NAA50: variants seen among roughly 807,000 people sequenced by gnomAD.
NAA50 encodes N-alpha-acetyltransferase 50, NatE catalytic subunit.
A neutral mutation model predicts 20.7 loss-of-function variants in NAA50; 7 were observed. That is an observed-to-expected ratio of 0.34 (90% CI 0.19 to 0.63). NAA50 has a LOEUF of 0.63. NAA50 is among the 30% of genes least tolerant of loss of function. The pLI is 0.75. For missense variants in NAA50, 111 were observed against 199.1 expected (o/e 0.56, Z 2.66); for synonymous variants, 54 against 70.6 (o/e 0.77, Z 1.18).
At chr3:113,725,376 C>T (rs763345803) in intron 1 of NAA50, among the ~76,000 whole-genome samples, 35 of 152,100 alleles carry the variant, frequency 2.3e-4, no homozygotes, top group Non-Finnish European at 4.0e-4. Context: ...TATACAAAAA[C>T]ATGCTTGAAA....
At chr3:113,724,116 C>T (rs1708171454) in intron 1 of NAA50, 21 bp from the exon 2 acceptor site, 2 of 1,530,626 alleles carry the variant, frequency 1.3e-6, no homozygotes, top group Non-Finnish European at 1.8e-6. Flanking sequence ...TCAAAATGTA[C>T]TCAATAAAAC....
intron 1 of NAA50, among the ~76,000 whole-genome samples, chr3:113,726,568 ACT>A (rs1708202224): frequency 6.6e-6 from 1 of 151,702 alleles, no homozygotes; most frequent in Admixed American, 6.6e-5. Context: ...ATATGGTGAA[ACT>A]CTGTCTCTAC....
Position 113,720,980 on chromosome 3 carries a change from C to T in NAA50, c.*780G>A, listed in dbSNP as rs981324085. 4.6e-5 allele frequency: 7 copies of T among 152,422 alleles called. No homozygotes were observed. The highest frequency in any genetic ancestry group is 1.7e-4 in the African/African-American group (7 of 41,384). 9.4% of individuals were successfully genotyped at this position (152,422 alleles called of 1,614,324 possible). On this transcript the variant is annotated 3_prime_UTR_variant, in exon 5 of 5. Transcript: ENST00000240922. ...CACACCTCTTTAGGTCAGTTAAAGG[C>T]CATATCTCTAGCTGGGATATTAAAA...
At position 113,746,126 on chromosome 3, in the gene NAA50, G is replaced by T. The variant is rs1454237840; in HGVS notation, c.-177C>A. 1.4e-6 allele frequency: 1 copy of T among 740,328 alleles called. No homozygotes were observed. 45.9% of individuals were successfully genotyped at this position (740,328 alleles called of 1,614,324 possible). A position where few individuals can be genotyped will look rare whatever the true frequency, so the allele number is the denominator to read the frequency against. Reference sequence around the variant, plus strand: ...AGAGTCGAGTGAGGGCTTGAGTCTGGTGGGGGCGGGAGTGTCTCCCGCCGC... The same window carrying T: ...AGAGTCGAGTGAGGGCTTGAGTCTGTTGGGGGCGGGAGTGTCTCCCGCCGC... On this transcript the variant is annotated 5_prime_UTR_variant, in exon 1 of 5. Transcript: ENST00000240922.
chr3:113,730,362 T>C (rs1708256850), intron 1 of NAA50, among the ~76,000 whole-genome samples: 1 of 152,114 alleles, frequency 6.6e-6, no homozygotes, highest in Admixed American at 6.5e-5. Flanking sequence ...CAGCTTGCAA[T>C]TTTCTATTTG....
At chr3:113,742,219 T>G (rs979018132) in intron 1 of NAA50, among the ~76,000 whole-genome samples, 1 of 152,166 alleles carries the variant, frequency 6.6e-6, no homozygotes, top group African/African-American at 2.4e-5. Flanking sequence ...AGCTTTTGGT[T>G]TTGCTGAAAA....
At position 113,719,885 on chromosome 3, in the gene NAA50, A is replaced by G. The variant is rs1176158973; in HGVS notation, c.*1875T>C. The stretch of plus-strand genomic sequence containing the variant: ...ATTTTGATATCTGGGAAGTTTACAA[A>G]AAGGCTGCTGCATTCTTCAAACTAC... On this transcript the variant is annotated 3_prime_UTR_variant, in exon 5 of 5. Transcript: ENST00000240922. The G allele has an allele frequency of 2.6e-5, 4 of 152,624 alleles. No individual in the cohort carries two copies. Among genetic ancestry groups the G allele is most frequent in the Non-Finnish European group, 5.9e-5 (4 of 68,014 alleles). The allele number at this position is 152,624 out of a possible 1,614,324, so 9.5% of individuals were successfully genotyped here. A position where few individuals can be genotyped will look rare whatever the true frequency, so the allele number is the denominator to read the frequency against.
intron 1 of NAA50, among the ~76,000 whole-genome samples, chr3:113,736,022 C>T (rs1708336541): frequency 6.6e-6 from 1 of 152,164 alleles, no homozygotes; most frequent in African/African-American, 2.4e-5. Context: ...CTGGTTTTTA[C>T]ATTAAGTTCG....
chr3:113,727,432 A>G (rs1708213343), intron 1 of NAA50, among the ~76,000 whole-genome samples: 1 of 152,194 alleles, frequency 6.6e-6, no homozygotes, highest in African/African-American at 2.4e-5. Context: ...TTCAAAGAAT[A>G]ATACCAGGTA....
intron 1 of NAA50, among the ~76,000 whole-genome samples, chr3:113,743,907 AAT>A (rs1482100480): frequency 6.6e-6 from 1 of 152,236 alleles, no homozygotes; most frequent in African/African-American, 2.4e-5. Flanking sequence ...GATTGTGAAT[AAT>A]ATGACTGTTC....
chr3:113,741,229 G>C (rs1708409944), intron 1 of NAA50: 1 of 455,714 alleles, frequency 2.2e-6, no homozygotes, highest in Non-Finnish European at 4.3e-6. Context: ...CCTGCTCCAG[G>C]TCCTCAGTAC....
chr3:113,731,387 TTA>T (rs916661581), intron 1 of NAA50, among the ~76,000 whole-genome samples: 6 of 152,318 alleles, frequency 3.9e-5, no homozygotes, highest in South Asian at 2.1e-4. Context: ...ACAAAGATTT[TTA>T]TGTTTTCTCT....
chr3:113,735,617 A>G (rs908468184), intron 1 of NAA50, among the ~76,000 whole-genome samples: 6 of 152,252 alleles, frequency 3.9e-5, no homozygotes, highest in South Asian at 2.1e-4. Flanking sequence ...TACTCTGTAT[A>G]TAAGACACAA....
At chr3:113,738,919 AT>A (rs1708378234) in intron 1 of NAA50, among the ~76,000 whole-genome samples, 2 of 152,244 alleles carry the variant, frequency 1.3e-5, no homozygotes, top group Admixed American at 1.3e-4. Flanking sequence ...CTGGGCCCTA[AT>A]GTCTCACCCC....
At chr3:113,729,865 T>C (rs1312793760) in intron 1 of NAA50, among the ~76,000 whole-genome samples, 3 of 152,090 alleles carry the variant, frequency 2.0e-5, no homozygotes, top group Admixed American at 2.0e-4. Flanking sequence ...GCTTTACAGC[T>C]TCCTTCAAAT....
chr3:113,736,351 C>A (rs528286623), intron 1 of NAA50, among the ~76,000 whole-genome samples: 1 of 152,290 alleles, frequency 6.6e-6, no homozygotes, highest in African/African-American at 2.4e-5. Flanking sequence ...CCTACAGATA[C>A]TTTATATTAA....
intron 1 of NAA50, among the ~76,000 whole-genome samples, chr3:113,736,397 C>T (rs1559741288): frequency 1.3e-5 from 2 of 152,126 alleles, no homozygotes; most frequent in African/African-American, 4.8e-5. Flanking sequence ...ACTTATCTGC[C>T]TCTTTATAGA....
chr3:113,725,682 C>T (rs1708190311), intron 1 of NAA50, among the ~76,000 whole-genome samples: 1 of 152,120 alleles, frequency 6.6e-6, no homozygotes, highest in African/African-American at 2.4e-5. Flanking sequence ...GAGAGGACTG[C>T]TTGAGCCTGG....
At chr3:113,745,853 C>T in intron 1 of NAA50, 89 bp downstream of exon 1, 1 of 1,440,012 alleles carries the variant, frequency 6.9e-7, no homozygotes. Flanking sequence ...CGCCCTGAAT[C>T]TCTCCTCGCC....
Sources: gnomAD v4.1 joint callset for allele counts (sites outside exome capture counted in the v4.1 genomes callset) on GRCh38, gnomAD v4.1.1 for gene constraint, MANE v1.5 for transcripts, NCBI Gene and HGNC (gene_info 2026-07-23, HGNC 2026-07-21) for gene names.